The following PREX2 variants were observed in gnomAD, a reference collection of about 807,000 sequenced individuals.
The protein encoded by PREX2 is phosphatidylinositol 3,4,5-trisphosphate-dependent Rac exchanger 2 protein.
Under a neutral mutation model 203.2 loss-of-function variants are expected in PREX2, and 107 were observed. That is an observed-to-expected ratio of 0.53 (90% CI 0.45 to 0.62). The LOEUF (loss-of-function observed/expected upper bound fraction) is 0.62, where lower values mean the gene tolerates loss of function less well. Among genes scored for constraint, PREX2 ranks in the 20% least tolerant of loss-of-function variants. PREX2 has a pLI of 0.00. For synonymous variants in PREX2, 672 were observed against 663.6 expected, an observed-to-expected ratio of 1.01 and a Z score of -0.19; for missense variants, 1,777 against 1,955.9, an observed-to-expected ratio of 0.91 and a Z score of 1.72.
intron 34 of PREX2, among the ~76,000 whole-genome samples, chr8:68,156,156 G>A (rs1280321456): frequency 6.6e-6 from 1 of 152,138 alleles, no homozygotes; most frequent in Admixed American, 6.5e-5. Context: ...AAAATCCTGG[G>A]CTCAAGTTAT....
At position 68,115,930 on chromosome 8, in the gene PREX2, C is replaced by T. The variant is rs751396145; in HGVS notation, c.3324C>T (p.Tyr1108=). The change falls in exon 26 of 40, where the codon TAC becomes TAT. Residue 1108 remains tyrosine (Y), a splice_region_variant and synonymous_variant. Coordinates refer to ENST00000288368, the MANE Select transcript of PREX2 (RefSeq NM_024870.4). ...GHDTISNRDS[Y]SDCNSNRNSI... ...ACACCATCAGCAACAGAGACTCTTA[C>T]AGGTAATTCACTAATTCCTCAAACT... 3 of 1,593,422 alleles carry T rather than the reference C, an allele frequency of 1.9e-6. No individual in the cohort carries two copies. The South Asian group carries it at 3.4e-5, about 18-fold the overall frequency.
chr8:67,963,777 A>G (rs930344128), intron 1 of PREX2, among the ~76,000 whole-genome samples: 3 of 152,198 alleles, frequency 2.0e-5, no homozygotes, highest in African/African-American at 7.2e-5. Flanking sequence ...CCAAATAACA[A>G]TAGTTTGAAC....
chr8:67,963,650 C>T (rs1006352618), intron 1 of PREX2, among the ~76,000 whole-genome samples: 16 of 151,880 alleles, frequency 1.1e-4, no homozygotes, highest in Non-Finnish European at 2.1e-4. Flanking sequence ...TTTAGTTTTT[C>T]CTTTAGAAAA....
At chr8:68,189,491 G>T (rs2129614611) in intron 35 of PREX2, among the ~76,000 whole-genome samples, 1 of 152,276 alleles carries the variant, frequency 6.6e-6, no homozygotes, top group East Asian at 1.9e-4. Flanking sequence ...ATCTCTTTCA[G>T]ATACTGGGGA....
chr8:67,981,995 T>C (rs749946490), intron 1 of PREX2, among the ~76,000 whole-genome samples: 6 of 152,202 alleles, frequency 3.9e-5, no homozygotes, highest in Non-Finnish European at 7.3e-5. Context: ...CAGACTTGGA[T>C]AGTTGGATTG....
intron 1 of PREX2, among the ~76,000 whole-genome samples, chr8:67,953,917 C>G (rs1044691077): frequency 1.3e-5 from 2 of 152,048 alleles, no homozygotes; most frequent in African/African-American, 2.4e-5. Flanking sequence ...TTTCATGAAA[C>G]TTTTTTGGTA....
intron 26 of PREX2, 70 bp downstream of exon 26, chr8:68,116,002 T>A (rs1214150835): frequency 7.9e-6 from 11 of 1,393,472 alleles, no homozygotes; most frequent in Non-Finnish European, 1.1e-5. Context: ...TCCACAAAGA[T>A]CTTGAAAAAA....
rs1809590399 is a variant in PREX2, at chr8:68,083,407, G to C, written c.2027+19G>C. ...CAAGAGAGTAAGTTGTATGATTTAT[G>C]TGTGATTTTTTAAAAGTTATACATA... is the stretch of plus-strand genomic sequence containing the variant. On this transcript the variant is annotated intron_variant, in intron 18 of 39. Coordinates refer to ENST00000288368, the MANE Select transcript of PREX2 (RefSeq NM_024870.4). 6.4e-7 allele frequency: 1 copy of C among 1,571,236 alleles called. No homozygotes were observed. Among genetic ancestry groups the C allele is most frequent in the Non-Finnish European group, 8.7e-7 (1 of 1,152,184 alleles).
intron 35 of PREX2, among the ~76,000 whole-genome samples, chr8:68,167,807 C>T (rs1390443911): frequency 6.6e-6 from 1 of 152,088 alleles, no homozygotes; most frequent in Non-Finnish European, 1.5e-5. Flanking sequence ...AAAAGCTGAG[C>T]ACTAGAATTT....
intron 35 of PREX2, among the ~76,000 whole-genome samples, chr8:68,184,044 T>G (rs1316314766): frequency 6.6e-6 from 1 of 152,168 alleles, no homozygotes; most frequent in Non-Finnish European, 1.5e-5. Context: ...ATCTCATTAT[T>G]CAGAATTTCT....
intron 23 of PREX2, among the ~76,000 whole-genome samples, chr8:68,100,589 G>A (rs1181104505): frequency 6.6e-6 from 1 of 152,208 alleles, no homozygotes; most frequent in Non-Finnish European, 1.5e-5. Flanking sequence ...CCAGGGAGAA[G>A]GAACAGCTGG....
In PREX2 at chr8:68,120,232, G is replaced by A; in HGVS notation, c.3541G>A (p.Val1181Ile). 1 of 1,613,818 alleles carries A rather than the reference G, an allele frequency of 6.2e-7. No individual in the cohort carries two copies. Among genetic ancestry groups the A allele is most frequent in the Non-Finnish European group, 8.5e-7 (1 of 1,179,730 alleles). The stretch of plus-strand genomic sequence containing the variant: ...TACCAATCTCCTAAAAGGGCAGGCT[G>A]TTGTGAGGGCCTTTGACCAAACCAA... Reference protein sequence around the residue: ...SITNLLKGQAVVRAFDQTKYL... With the variant: ...SITNLLKGQAIVRAFDQTKYL... Residue 1181 changes from valine (V) to isoleucine (I), a missense_variant, in exon 29 of 40, where the codon GTT (valine) becomes ATT (isoleucine). Val to Ile is a conservative substitution (Grantham distance 29). Coordinates refer to ENST00000288368, the MANE Select transcript of PREX2 (RefSeq NM_024870.4).
At chr8:67,955,147 C>CAAAAAAAAA (rs1183491822) in intron 1 of PREX2, among the ~76,000 whole-genome samples, 1 of 51,904 alleles carries the variant, frequency 1.9e-5, no homozygotes, top group Non-Finnish European at 3.4e-5. Flanking sequence ...GACTCCATCT[C>CAAAAAAAAA]AAAAAAAAAA....
chr8:68,018,205 T>C (rs541549315), intron 2 of PREX2, among the ~76,000 whole-genome samples: 1 of 151,992 alleles, frequency 6.6e-6, no homozygotes, highest in Non-Finnish European at 1.5e-5. Flanking sequence ...TGGTGGCTTA[T>C]GCCTGTAATC....
At chr8:67,978,692 C>T (rs893869148) in intron 1 of PREX2, among the ~76,000 whole-genome samples, 1 of 151,948 alleles carries the variant, frequency 6.6e-6, no homozygotes, top group African/African-American at 2.4e-5. Context: ...TGTATGCACA[C>T]TTTTCTCTTG....
chr8:68,064,738 A>G (rs151093092), intron 11 of PREX2, among the ~76,000 whole-genome samples: 302 of 152,194 alleles, frequency 2.0e-3, no homozygotes, highest in African/African-American at 6.9e-3. Context: ...ACTATTATCT[A>G]TGCTGTCGAG....
chr8:68,233,949 C>T lies in PREX2; in HGVS notation c.*2571C>T, dbSNP rs945506712. The T allele has an allele frequency of 1.2e-4, 18 of 152,092 alleles. No individual in the cohort carries two copies. Among genetic ancestry groups the T allele is most frequent in the African/African-American group, 3.4e-4 (14 of 41,406 alleles). The allele number at this position is 152,092 out of a possible 1,614,324, so 9.4% of individuals were successfully genotyped here. ...AAATTATACATCTTGTATTAAAAAACGGTGAATGGAAATATGTAAATGCTT... is the reference window on the plus strand; with the variant it reads ...AAATTATACATCTTGTATTAAAAAATGGTGAATGGAAATATGTAAATGCTT... On this transcript the variant is annotated 3_prime_UTR_variant, in exon 40 of 40. Transcript: ENST00000288368.
chr8:68,221,965 A>T (rs1812962977), intron 38 of PREX2, among the ~76,000 whole-genome samples: 1 of 152,178 alleles, frequency 6.6e-6, no homozygotes, highest in Non-Finnish European at 1.5e-5. Flanking sequence ...CGAGAGGCTG[A>T]TTTCTCACTG....
chr8:67,956,090 A>G (rs547395007), intron 1 of PREX2, among the ~76,000 whole-genome samples: 16 of 152,314 alleles, frequency 1.1e-4, no homozygotes, highest in Non-Finnish European at 2.2e-4. Flanking sequence ...AATGGTAGAG[A>G]GTGACATAAT....
Sources: allele counts gnomAD v4.1 joint callset (sites outside exome capture counted in the v4.1 genomes callset), GRCh38; gene constraint gnomAD v4.1.1; transcripts MANE v1.5; gene names NCBI Gene and HGNC (gene_info 2026-07-23, HGNC 2026-07-21).